FMN2: variants seen among roughly 807,000 people sequenced by gnomAD.
FMN2 encodes formin-2.
Under a neutral mutation model 142.3 loss-of-function variants are expected in FMN2, and 51 were observed. The ratio of observed to expected loss-of-function variants is 0.36; its 90% CI spans 0.29 to 0.45. The LOEUF is 0.45. FMN2 is among the 20% of genes least tolerant of loss of function. The probability of loss-of-function intolerance (pLI) is 1.00; values close to 1 mark genes in which losing one functional copy is unlikely to be tolerated. For synonymous variants in FMN2, 882 were observed against 869.8 expected, an observed-to-expected ratio of 1.01 and a Z score of -0.25; for missense variants, 1,936 against 2,122.8, an observed-to-expected ratio of 0.91 and a Z score of 1.73.
intron 8 of FMN2, among the ~76,000 whole-genome samples, chr1:240,301,448 A>G (rs1670192271): frequency 6.6e-6 from 1 of 151,742 alleles, no homozygotes; most frequent in African/African-American, 2.4e-5. Context: ...CCATTTCTGA[A>G]GCTCTTCCTT....
chr1:240,364,151 A>G (rs1672585881), intron 14 of FMN2, among the ~76,000 whole-genome samples: 5 of 152,122 alleles, frequency 3.3e-5, no homozygotes, highest in Admixed American at 3.3e-4. Flanking sequence ...TGAGGAAACA[A>G]ATTCTCAGAG....
chr1:240,330,822 A>G, intron 11 of FMN2, 73 bp downstream of exon 11: 1 of 1,523,480 alleles, frequency 6.6e-7, no homozygotes, highest in South Asian at 1.3e-5. Context: ...GTTTGAATGT[A>G]AAGCAGTTGT....
chr1:240,234,942 C>T (rs1667652623), intron 6 of FMN2, among the ~76,000 whole-genome samples: 1 of 152,182 alleles, frequency 6.6e-6, no homozygotes, highest in African/African-American at 2.4e-5. Context: ...CTTAACTACA[C>T]TTACAATTTC....
chr1:240,125,117 A>G (rs907337566), intron 2 of FMN2, among the ~76,000 whole-genome samples: 7 of 152,250 alleles, frequency 4.6e-5, no homozygotes, highest in African/African-American at 1.7e-4. Flanking sequence ...ATAATAAATA[A>G]TAAAGTGTCT....
Position 240,451,081 on chromosome 1 carries a change from G to A in FMN2, c.5060+12871G>A, listed in dbSNP as rs372838200. Among the ~76,000 whole-genome samples, 7 of 152,238 alleles carry A rather than the reference G, an allele frequency of 4.6e-5. No individual in the cohort carries two copies. In the East Asian group the frequency reaches 1.4e-3, roughly 29 times the overall value. The stretch of plus-strand genomic sequence containing the variant: ...GAAATATTAATTTTTAAAAGCATTT[G>A]TCTTGGCTGGGCGCAGTGGCTCACG... On this transcript the variant is annotated intron_variant, in intron 16 of 17. Transcript: ENST00000319653.
chr1:240,142,824 C>T, intron 2 of FMN2: 2 of 1,585,732 alleles, frequency 1.3e-6, no homozygotes, highest in Non-Finnish European at 1.7e-6. Context: ...CTTAGGCTTG[C>T]CAGCCTGGCC....
chr1:240,184,298 G>C (rs1021950745), intron 3 of FMN2, among the ~76,000 whole-genome samples: 2 of 133,878 alleles, frequency 1.5e-5, no homozygotes, highest in African/African-American at 5.6e-5. Flanking sequence ...GTGCAGTGGC[G>C]CGATCTCGGC....
intron 8 of FMN2, among the ~76,000 whole-genome samples, chr1:240,308,447 T>C (rs926080810): frequency 2.6e-5 from 4 of 152,182 alleles, no homozygotes; most frequent in African/African-American, 9.7e-5. Context: ...CATTCTGTTT[T>C]GTTTTGTTTC....
chr1:240,187,227 G>A (rs140288298), intron 3 of FMN2, among the ~76,000 whole-genome samples: 2,835 of 140,746 alleles, frequency 0.02, 112 homozygotes, highest in African/African-American at 0.073. Context: ...CCAAGATCGC[G>A]CCGTTGCACT....
chr1:240,180,052 T>TA, intron 3 of FMN2: 1 of 435,024 alleles, frequency 2.3e-6, no homozygotes, highest in South Asian at 2.3e-5. Context: ...TTGGAATTGA[T>TA]ACCAGGAAGT....
chr1:240,419,149 G>A (rs1043650225), intron 15 of FMN2, among the ~76,000 whole-genome samples: 1 of 152,028 alleles, frequency 6.6e-6, no homozygotes, highest in African/African-American at 2.4e-5. Context: ...AGACTTACAG[G>A]CAGATATGTC....
At chr1:240,246,770 A>G (rs1386539612) in intron 6 of FMN2, among the ~76,000 whole-genome samples, 1 of 152,206 alleles carries the variant, frequency 6.6e-6, no homozygotes, top group East Asian at 1.9e-4. Context: ...GAAGCCTGAG[A>G]TGATAACTTT....
intron 15 of FMN2, among the ~76,000 whole-genome samples, chr1:240,419,197 A>C (rs2103138698): frequency 6.6e-6 from 1 of 152,280 alleles, no homozygotes; most frequent in Non-Finnish European, 1.5e-5. Context: ...TACCCTGTGT[A>C]TTTTCAAATG....
intron 6 of FMN2, among the ~76,000 whole-genome samples, chr1:240,240,200 G>A (rs1301589093): frequency 6.6e-6 from 1 of 152,084 alleles, no homozygotes; most frequent in Non-Finnish European, 1.5e-5. Flanking sequence ...GTGGAATAGT[G>A]GTCAAGGGGG....
intron 14 of FMN2, among the ~76,000 whole-genome samples, chr1:240,384,550 C>T (rs1003252904): frequency 2.7e-4 from 41 of 152,028 alleles, no homozygotes; most frequent in Non-Finnish European, 2.4e-4. Context: ...TTACCCTCTC[C>T]GGTCTCTGCT....
intron 3 of FMN2, chr1:240,180,072 G>C (rs776700025): frequency 1.6e-6 from 1 of 644,214 alleles, no homozygotes; most frequent in African/African-American, 1.9e-5. Context: ...TTTGTCACCT[G>C]GTTTTTGCTT....
At chr1:240,219,732 G>A (rs1428825519) in intron 6 of FMN2, among the ~76,000 whole-genome samples, 1 of 151,924 alleles carries the variant, frequency 6.6e-6, no homozygotes. Flanking sequence ...ATGGCTCACT[G>A]CAGCCTCGAC....
intron 11 of FMN2, among the ~76,000 whole-genome samples, chr1:240,332,677 G>C (rs775772111): frequency 6.6e-6 from 1 of 152,060 alleles, no homozygotes; most frequent in Non-Finnish European, 1.5e-5. Context: ...CAAGAAATAC[G>C]TTTTTAAAAT....
In FMN2 at chr1:240,306,081, C is replaced by T. The variant is rs78168716; in HGVS notation, c.4215+11198C>T. ...TCTCCTGCCTCAACCTCCTGAGTAG[C>T]TGGGATTACAGGCATGTACCACCAT... On this transcript the variant is annotated intron_variant, in intron 8 of 17. Transcript: ENST00000319653. Among the ~76,000 whole-genome samples the T allele has an allele frequency of 1.3e-4, 19 of 151,794 alleles. 1 individual carries two copies. The East Asian group carries it at 3.7e-3, about 30-fold the overall frequency.
Sources: allele counts gnomAD v4.1 joint callset (sites outside exome capture counted in the v4.1 genomes callset), GRCh38; gene constraint gnomAD v4.1.1; transcripts MANE v1.5; gene names NCBI Gene and HGNC (gene_info 2026-07-23, HGNC 2026-07-21).